The following TIMM23 variants were observed in gnomAD, a reference collection of about 807,000 sequenced individuals.
TIMM23 encodes the protein mitochondrial import inner membrane translocase subunit Tim23.
In TIMM23, 19 loss-of-function variants were observed where a neutral mutation model predicts 30.7. The observed-to-expected ratio is 0.62, with a 90% CI of 0.43 to 0.91. The LOEUF (loss-of-function observed/expected upper bound fraction) is 0.91. Among genes scored for constraint, TIMM23 ranks in the 40% least tolerant of loss-of-function variants. The pLI is 0.00. For missense variants in TIMM23, 202 were observed against 269.2 expected, an observed-to-expected ratio of 0.75 and a Z score of 1.75; for synonymous variants, 78 against 98.5, an observed-to-expected ratio of 0.79 and a Z score of 1.23.
intron 5 of TIMM23, among the ~76,000 whole-genome samples, chr10:45,987,665 C>T (rs1301613931): frequency 2.2e-5 from 3 of 138,710 alleles, no homozygotes; most frequent in Non-Finnish European, 4.5e-5. Context: ...CTCTGTCACC[C>T]ATGCTAGAGT....
chr10:45,991,293 G>A (rs1330225265), intron 6 of TIMM23, among the ~76,000 whole-genome samples: 6 of 152,220 alleles, frequency 3.9e-5, no homozygotes, highest in African/African-American at 1.4e-4. Context: ...TAGAAAGGCA[G>A]CATGTCATCA....
Position 45,985,384 on chromosome 10 carries a change from A to C in TIMM23, c.346A>C (p.Ile116Leu). 6.2e-7 allele frequency: 1 copy of C among 1,613,484 alleles called. No homozygotes were observed. The highest frequency in any genetic ancestry group is 8.5e-7 in the Non-Finnish European group (1 of 1,179,530). The change falls in exon 5 of 7, where the codon ATT becomes CTT. Residue 116 changes from isoleucine to leucine, a missense_variant and splice_region_variant. Coordinates refer to ENST00000580018, the MANE Select transcript of TIMM23 (RefSeq NM_006327.4). ...MAWSKPRNVQILNMVTRQGAL... is the reference protein window; with the variant it reads ...MAWSKPRNVQLLNMVTRQGAL... ...TTCTTTCTCTTTCTGCCCTGATAGGATTTTGAATATGGTGACTAGGCAAGG... is the reference window on the plus strand; with the variant it reads ...TTCTTTCTCTTTCTGCCCTGATAGGCTTTTGAATATGGTGACTAGGCAAGG...
chr10:46,003,641 T>C lies in TIMM23; in HGVS notation c.*323T>C, dbSNP rs41274086. 3 of 213,802 alleles carry C rather than the reference T, an allele frequency of 1.4e-5. No individual in the cohort carries two copies. Among genetic ancestry groups the C allele is most frequent in the Non-Finnish European group, 2.8e-5 (3 of 105,678 alleles). 13.2% of individuals were successfully genotyped at this position (213,802 alleles called of 1,614,324 possible). On this transcript the variant is annotated 3_prime_UTR_variant, in exon 7 of 7. Coordinates refer to ENST00000580018, the MANE Select transcript of TIMM23 (RefSeq NM_006327.4). ...ATTCAGGTCGTGCTTGTTAGTACTA[T>C]ATCACCAAGTCCATTCATTTAATGA...
At chr10:45,990,175 T>G (rs1453150479) in intron 6 of TIMM23, among the ~76,000 whole-genome samples, 2 of 150,144 alleles carry the variant, frequency 1.3e-5, no homozygotes, top group African/African-American at 4.9e-5. Flanking sequence ...CAGGCTGGAG[T>G]GCAGTGGCAT....
intron 1 of TIMM23, 148 bp from the exon 2 acceptor site, chr10:45,975,306 G>A (rs1837634015): frequency 2.0e-6 from 2 of 1,010,696 alleles, no homozygotes; most frequent in Admixed American, 2.1e-5. Flanking sequence ...CAAACTGACA[G>A]ATAGGGAGGA....
chr10:46,003,158 T>G, intron 6 of TIMM23, 45 bp from the exon 7 acceptor site: 1 of 1,454,186 alleles, frequency 6.9e-7, no homozygotes, highest in Non-Finnish European at 9.7e-7. Flanking sequence ...TAGGGCACTA[T>G]GCAATATACA....
chr10:45,979,498 A>G (rs1837779225), intron 2 of TIMM23, among the ~76,000 whole-genome samples: 1 of 146,164 alleles, frequency 6.8e-6, no homozygotes, highest in Non-Finnish European at 1.5e-5. Flanking sequence ...TAGAGATGTG[A>G]TCTGACTTGG....
At chr10:46,002,242 C>A (rs1207193634) in intron 6 of TIMM23, 1 of 151,936 alleles carries the variant, frequency 6.6e-6, no homozygotes, top group East Asian at 1.9e-4. Flanking sequence ...GTGGTGTAAT[C>A]TCAGCTCACT....
chr10:45,985,291 T>G (rs1258405125), intron 4 of TIMM23, 92 bp from the exon 5 acceptor site: 7 of 1,503,084 alleles, frequency 4.7e-6, no homozygotes, highest in Non-Finnish European at 5.6e-6. Context: ...GCGCCCTGGG[T>G]CTAGACATGT....
chr10:45,973,097 A>G (rs1837545252), intron 1 of TIMM23, among the ~76,000 whole-genome samples: 1 of 152,136 alleles, frequency 6.6e-6, no homozygotes, highest in African/African-American at 2.4e-5. Flanking sequence ...CCCGTAGTTA[A>G]CTTTTTAGTA....
intron 6 of TIMM23, among the ~76,000 whole-genome samples, chr10:46,002,970 A>C (rs1182773331): frequency 4.6e-5 from 7 of 152,126 alleles, no homozygotes; most frequent in Admixed American, 3.9e-4. Context: ...CTATAAGCAC[A>C]CATCACCACA....
In TIMM23 at chr10:45,987,771, A is replaced by C. The variant is rs587705995; in HGVS notation, c.404-966A>C. On this transcript the variant is annotated intron_variant, in intron 5 of 6. Transcript: ENST00000580018. ...GGGACTACAGGCAACATGCACCACC[A>C]TACCAACTAATTTTTTTTTAAATTT... Among the ~76,000 whole-genome samples the C allele has an allele frequency of 2.5e-3, 372 of 151,832 alleles. 2 individuals carry two copies. Among genetic ancestry groups the C allele is most frequent in the African/African-American group, 8.4e-3 (349 of 41,422 alleles).
chr10:46,003,137 C>A lies in TIMM23; in HGVS notation c.515-66C>A, dbSNP rs531025387. On this transcript the variant is annotated intron_variant, in intron 6 of 6. Transcript: ENST00000580018. ...CCATTTCACAGTACTTTTTATTTAA[C>A]CCTATCGTGCTAGGGCACTATGCAA... 1.5e-5 allele frequency: 19 copies of A among 1,294,088 alleles called. No homozygotes were observed. In the East Asian group the frequency reaches 2.6e-4, roughly 17 times the overall value. The allele number at this position is 1,294,088 out of a possible 1,614,324, so 80.2% of individuals were successfully genotyped here. A position where few individuals can be genotyped will look rare whatever the true frequency, so the allele number is the denominator to read the frequency against.
chr10:45,998,701 G>T (rs1353548346), intron 6 of TIMM23, among the ~76,000 whole-genome samples: 1 of 151,998 alleles, frequency 6.6e-6, no homozygotes, highest in South Asian at 2.1e-4. Flanking sequence ...TGTTGGAGTT[G>T]ATTTTTTTTC....
intron 6 of TIMM23, chr10:45,992,511 T>C (rs1300555095): frequency 2.9e-4 from 133 of 453,680 alleles, no homozygotes; most frequent in Middle Eastern, 1.3e-3. Flanking sequence ...TGGAGGCTTA[T>C]GAGTAAATGA....
intron 6 of TIMM23, among the ~76,000 whole-genome samples, chr10:45,997,024 T>C (rs1838360649): frequency 6.6e-6 from 1 of 150,560 alleles, no homozygotes; most frequent in Non-Finnish European, 1.5e-5. Context: ...AATGGGCAGA[T>C]TGCTTGAGCC....
chr10:45,988,701 C>T, intron 5 of TIMM23, 36 bp from the exon 6 acceptor site: 10 of 1,592,792 alleles, frequency 6.3e-6, no homozygotes, highest in Non-Finnish European at 8.6e-6. Flanking sequence ...CACTTTATCA[C>T]TGTTTTGTCA....
intron 6 of TIMM23, among the ~76,000 whole-genome samples, chr10:45,996,431 G>A (rs1287858886): frequency 3.3e-5 from 5 of 150,016 alleles, no homozygotes; most frequent in Non-Finnish European, 7.3e-5. Context: ...AAAAAGGTCC[G>A]CCTAATACCA....
intron 6 of TIMM23, among the ~76,000 whole-genome samples, chr10:45,999,830 C>T (rs1441615027): frequency 6.6e-5 from 10 of 152,072 alleles, no homozygotes; most frequent in African/African-American, 2.4e-4. Flanking sequence ...AGTCTACAGA[C>T]CATAAAAGAT....
Sources: gnomAD v4.1 joint callset for allele counts (sites outside exome capture counted in the v4.1 genomes callset) on GRCh38, gnomAD v4.1.1 for gene constraint, MANE v1.5 for transcripts, NCBI Gene and HGNC (gene_info 2026-07-23, HGNC 2026-07-21) for gene names.